Variants in ZNF469 observed in about 807,000 individuals in gnomAD.
ZNF469 encodes the protein zinc finger protein 469.
Under a neutral mutation model 1.0 loss-of-function variants are expected in ZNF469, and 1 was observed. The ratio of observed to expected loss-of-function variants is 1.00; its 90% CI spans 0.35 to 4.73. The LOEUF is 4.73. Ranked by LOEUF, ZNF469 falls within the 30% of genes most tolerant of loss-of-function variation. The pLI, the probability that ZNF469 is intolerant of heterozygous loss-of-function variation, is 0.16. For synonymous variants in ZNF469, 2,703 were observed against 2,363.4 expected (o/e 1.14, Z -4.17); for missense variants, 6,100 against 5,356.3 (o/e 1.14, Z -4.33).
chr16:88,159,929 C>G, the ZNF469 span, among the ~76,000 whole-genome samples: 16 of 152,148 alleles, frequency 1.1e-4, no homozygotes, highest in African/African-American at 3.9e-4. Context: ...CTGCCTCCCC[C>G]GTCTGAACTG....
chr16:88,198,520 C>G, the ZNF469 span, among the ~76,000 whole-genome samples: 4 of 152,250 alleles, frequency 2.6e-5, no homozygotes, highest in Non-Finnish European at 2.9e-5. Flanking sequence ...GCTGGTGCAG[C>G]TAAGGAGCTG....
chr16:88,210,692 C>G, the ZNF469 span, among the ~76,000 whole-genome samples: 1 of 152,238 alleles, frequency 6.6e-6, no homozygotes, highest in African/African-American at 2.4e-5. Context: ...CATCTTTGTC[C>G]TAGAGACGTG....
the ZNF469 span, among the ~76,000 whole-genome samples, chr16:88,197,011 C>T: frequency 6.6e-6 from 1 of 152,214 alleles, no homozygotes. Flanking sequence ...CAGAGCATGA[C>T]TGTCTTGTTC....
the ZNF469 span, among the ~76,000 whole-genome samples, chr16:88,354,481 C>T: frequency 2.0e-5 from 3 of 152,286 alleles, no homozygotes; most frequent in Admixed American, 2.0e-4. Context: ...TGTTTGGCCA[C>T]TTACTAGTCC....
At chr16:88,353,010 C>T in the ZNF469 span, among the ~76,000 whole-genome samples, 28 of 152,268 alleles carry the variant, frequency 1.8e-4, no homozygotes, top group East Asian at 1.5e-3. Flanking sequence ...AAGTTGGGGG[C>T]GCCCAGGCAG....
At chr16:88,291,774 C>T in the ZNF469 span, among the ~76,000 whole-genome samples, 5 of 152,192 alleles carry the variant, frequency 3.3e-5, no homozygotes, top group South Asian at 2.1e-4. Flanking sequence ...ATCCTCCCTG[C>T]GTCTGGGTGT....
the ZNF469 span, among the ~76,000 whole-genome samples, chr16:88,222,216 A>G: frequency 6.6e-6 from 1 of 152,212 alleles, no homozygotes; most frequent in Non-Finnish European, 1.5e-5. Context: ...CCTCCTCTTC[A>G]GCACTGGCTA....
At chr16:88,177,172 T>A in the ZNF469 span, 2 of 152,208 alleles carry the variant, frequency 1.3e-5, no homozygotes, top group Non-Finnish European at 2.9e-5. The surrounding 1 kb of genome is among the most constrained non-coding windows in gnomAD (Gnocchi z 4.8). Context: ...AAGAGGGGCG[T>A]GCCGGGCAGG....
At chr16:88,380,521 ACGCAC>A (rs2092519228), upstream of ZNF469, among the ~76,000 whole-genome samples, 1 of 114,782 alleles carries the variant, frequency 8.7e-6, no homozygotes, top group African/African-American at 3.5e-5. Context: ...ATGCACACAC[ACGCAC>A]TAACACACAC....
Position 88,438,959 on chromosome 16 carries a change from G to A in ZNF469, c.11489G>A (p.Ser3830Asn), listed in dbSNP as rs905925958. 1 of 1,550,322 alleles carries A rather than the reference G, an allele frequency of 6.5e-7. No individual in the cohort carries two copies. The highest frequency in any genetic ancestry group is 2.0e-5 in the Admixed American group (1 of 50,992). The change falls in exon 3 of 3, where the codon AGT becomes AAT. Residue 3830 changes from serine to asparagine, a missense_variant. Coordinates refer to ENST00000565624, the MANE Select transcript of ZNF469 (RefSeq NM_001367624.2). ...GQVPGPARSE[S>N]VGSFGRAPSA... is the part of the protein sequence containing the mutation. The stretch of plus-strand genomic sequence containing the variant: ...GTCCCAGGGCCAGCCAGGAGTGAAA[G>A]TGTGGGGAGCTTCGGGAGAGCCCCC...
At chr16:88,296,765 G>GCA in the ZNF469 span, among the ~76,000 whole-genome samples, 5 of 151,818 alleles carry the variant, frequency 3.3e-5, no homozygotes, top group African/African-American at 7.2e-5. Flanking sequence ...GCACATACAT[G>GCA]CACACACACA....
chr16:88,155,054 T>C, the ZNF469 span, among the ~76,000 whole-genome samples: 29 of 152,306 alleles, frequency 1.9e-4, 1 homozygote, highest in South Asian at 5.6e-3. Context: ...AGATTCTGCA[T>C]CACCAGCAGA....
chr16:88,406,522 T>C (rs1288154913), intron 1 of ZNF469, among the ~76,000 whole-genome samples: 4 of 152,164 alleles, frequency 2.6e-5, no homozygotes, highest in East Asian at 1.9e-4. Flanking sequence ...GATCTCCAGG[T>C]TATCGGAAGG....
At chr16:88,402,359 G>A (rs2133795) in intron 1 of ZNF469, among the ~76,000 whole-genome samples, 97,985 of 151,984 alleles carry the variant, frequency 0.64, 32,588 homozygotes, top group South Asian at 0.79. Context: ...CAAGAACTGG[G>A]CCCCAGTTAT....
chr16:88,112,726 G>A, the ZNF469 span, among the ~76,000 whole-genome samples: 2 of 150,452 alleles, frequency 1.3e-5, no homozygotes, highest in South Asian at 4.2e-4. Flanking sequence ...CTCCCATTCT[G>A]TGGGGTGTCT....
the ZNF469 span, among the ~76,000 whole-genome samples, chr16:88,286,455 G>A: frequency 6.6e-6 from 1 of 152,216 alleles, no homozygotes; most frequent in African/African-American, 2.4e-5. Context: ...CTGAACGCCG[G>A]GTATTTACAC....
chr16:88,306,516 A>G, the ZNF469 span, among the ~76,000 whole-genome samples: 1 of 152,220 alleles, frequency 6.6e-6, no homozygotes, highest in African/African-American at 2.4e-5. Context: ...AGCCCTCAGG[A>G]AGATGCGGGA....
At chr16:88,399,445 G>A (rs996784981) in intron 1 of ZNF469, among the ~76,000 whole-genome samples, 9 of 152,086 alleles carry the variant, frequency 5.9e-5, no homozygotes, top group Non-Finnish European at 1.3e-4. Context: ...CTGGGCCTGT[G>A]GGCCCACAGG....
chr16:88,290,156 G>T, the ZNF469 span, among the ~76,000 whole-genome samples: 1 of 152,220 alleles, frequency 6.6e-6, no homozygotes, highest in Non-Finnish European at 1.5e-5. Flanking sequence ...GCCATGCACC[G>T]CGGCTTAGCA....
Sources: allele counts gnomAD v4.1 joint callset (sites outside exome capture counted in the v4.1 genomes callset), GRCh38; gene constraint gnomAD v4.1.1; non-coding constraint Gnocchi (gnomAD v3.1); transcripts MANE v1.5; gene names NCBI Gene and HGNC (gene_info 2026-07-23, HGNC 2026-07-21).